TUBGCP4: variants seen among roughly 807,000 people sequenced by gnomAD.
The protein encoded by TUBGCP4 is tubulin gamma complex component 4, also known as gamma-tubulin complex component 4.
A neutral mutation model predicts 91.6 loss-of-function variants in TUBGCP4; 54 were observed. The observed-to-expected ratio is 0.59, with a 90% confidence interval of 0.47 to 0.74. The LOEUF (loss-of-function observed/expected upper bound fraction) is 0.74, where lower values mean the gene tolerates loss of function less well. TUBGCP4 is among the 30% of genes least tolerant of loss of function. TUBGCP4 has a pLI of 0.00. For synonymous variants in TUBGCP4, 297 were observed against 302.8 expected, an observed-to-expected ratio of 0.98 and a Z score of 0.20; for missense variants, 593 against 800.9, an observed-to-expected ratio of 0.74 and a Z score of 3.13.
intron 4 of TUBGCP4, 102 bp from the exon 5 acceptor site, chr15:43,377,745 T>G: frequency 1.0e-6 from 1 of 977,884 alleles, no homozygotes; most frequent in South Asian, 1.5e-5. Context: ...TATTGCCATT[T>G]TATCTTAAGT....
At chr15:43,393,653 G>A (rs978941761) in intron 9 of TUBGCP4, among the ~76,000 whole-genome samples, 5 of 151,864 alleles carry the variant, frequency 3.3e-5, no homozygotes, top group African/African-American at 1.2e-4. Context: ...GTGTCCGTGT[G>A]TTCTCATTGT....
At chr15:43,405,171 CACTT>C (rs1566906447) in intron 17 of TUBGCP4, 27 bp from the exon 18 acceptor site, 25 of 1,613,768 alleles carry the variant, frequency 1.5e-5, no homozygotes, top group Non-Finnish European at 1.9e-5. Flanking sequence ...GAAAGCATGA[CACTT>C]AATAAGGCTC....
In TUBGCP4 at chr15:43,372,847, C is replaced by G. The variant is rs186396867; in HGVS notation, c.78+1415C>G. 2.0e-3 allele frequency among the ~76,000 whole-genome samples: 305 copies of G among 152,332 alleles called. 1 individual carries two copies. Among genetic ancestry groups the G allele is most frequent in the Admixed American group, 5.0e-3 (77 of 15,300 alleles). On this transcript the variant is annotated intron_variant, in intron 1 of 17. Coordinates refer to ENST00000564079, the MANE Select transcript of TUBGCP4 (RefSeq NM_014444.5). ...TTCCCTTGTAGGATTTGTCACAATTCATAATGTATTGTTGTTACCTGTTTT... is the reference window on the plus strand; with the variant it reads ...TTCCCTTGTAGGATTTGTCACAATTGATAATGTATTGTTGTTACCTGTTTT...
rs138999915 is a variant in TUBGCP4 at position 43,409,214 on chromosome 15, T to G, written c.*4000T>G. On this transcript the variant is annotated 3_prime_UTR_variant, in exon 18 of 18. Coordinates refer to ENST00000564079, the MANE Select transcript of TUBGCP4 (RefSeq NM_014444.5). ...AGACTCCCAACTACTACCCAAAATGTGATTTAGTCTATCCTGCCCAAGGCC... is the reference window on the plus strand; with the variant it reads ...AGACTCCCAACTACTACCCAAAATGGGATTTAGTCTATCCTGCCCAAGGCC... 16 of 889,064 alleles carry G rather than the reference T, an allele frequency of 1.8e-5. No individual in the cohort carries two copies. The East Asian group carries it at 4.2e-4, about 23-fold the overall frequency. The allele number at this position is 889,064 out of a possible 1,614,324, so 55.1% of individuals were successfully genotyped here.
At chr15:43,401,969 A>AT in intron 15 of TUBGCP4, 119 bp downstream of exon 15, 1 of 1,362,948 alleles carries the variant, frequency 7.3e-7, no homozygotes, top group Non-Finnish European at 1.0e-6. Context: ...ATTTTAAAAC[A>AT]TTTTTTAAGA....
intron 12 of TUBGCP4, 118 bp from the exon 13 acceptor site, chr15:43,397,923 A>T (rs2044608826): frequency 9.7e-7 from 1 of 1,027,112 alleles, no homozygotes; most frequent in East Asian, 2.6e-5. Flanking sequence ...TATTGCCCAG[A>T]CTGGTCTTGA....
intron 1 of TUBGCP4, among the ~76,000 whole-genome samples, chr15:43,372,189 C>G (rs181826264): frequency 6.6e-6 from 1 of 152,120 alleles, no homozygotes; most frequent in African/African-American, 2.4e-5. Context: ...TTGTTTCTAC[C>G]AGTTAACAAA....
At position 43,405,534 on chromosome 15, in the gene TUBGCP4, G is replaced by C; in HGVS notation, c.*320G>C. The C allele has an allele frequency of 2.9e-6, 1 of 345,414 alleles. No homozygotes were observed. Among genetic ancestry groups the C allele is most frequent in the South Asian group, 6.4e-5 (1 of 15,712 alleles). The allele number at this position is 345,414 out of a possible 1,614,324, so 21.4% of individuals were successfully genotyped here. A position where few individuals can be genotyped will look rare whatever the true frequency, so the allele number is the denominator to read the frequency against. On this transcript the variant is annotated 3_prime_UTR_variant, in exon 18 of 18. Coordinates refer to ENST00000564079, the MANE Select transcript of TUBGCP4 (RefSeq NM_014444.5). ...GTACCTTGGTACTGTTCAAGCTGTG[G>C]GAGATACAGCGGTAAACAAACAATA...
intron 5 of TUBGCP4, 101 bp downstream of exon 5, chr15:43,378,004 G>T: frequency 2.3e-6 from 2 of 882,794 alleles, no homozygotes; most frequent in South Asian, 1.8e-5. Flanking sequence ...GTTTTTAGTA[G>T]TTTTTATTTA....
At chr15:43,399,262 G>A in intron 13 of TUBGCP4, 1 of 660,412 alleles carries the variant, frequency 1.5e-6, no homozygotes, top group Non-Finnish European at 2.0e-6. Context: ...GTTAGCACCT[G>A]AACTTGCAGG....
rs532012984 is a variant in TUBGCP4, at chr15:43,398,313, G to A, written c.1418+134G>A. ...TGTAATCCCAGCTAGTCCAGAGCCTGAGCAGGAGGATCCCTTAAGCCCAGG... is the reference window on the plus strand; with the variant it reads ...TGTAATCCCAGCTAGTCCAGAGCCTAAGCAGGAGGATCCCTTAAGCCCAGG... On this transcript the variant is annotated intron_variant, in intron 13 of 17. Coordinates refer to ENST00000564079, the MANE Select transcript of TUBGCP4 (RefSeq NM_014444.5). The A allele has an allele frequency of 5.6e-5, 53 of 945,528 alleles. No individual in the cohort carries two copies. In the South Asian group the frequency reaches 7.5e-4, roughly 13 times the overall value. The allele number at this position is 945,528 out of a possible 1,614,324, so 58.6% of individuals were successfully genotyped here. A position where few individuals can be genotyped will look rare whatever the true frequency, so the allele number is the denominator to read the frequency against.
At position 43,395,198 on chromosome 15, in the gene TUBGCP4, A is replaced by G. The variant is rs763875256; in HGVS notation, c.1065+41A>G. 3.7e-6 allele frequency: 6 copies of G among 1,607,998 alleles called. No individual in the cohort carries two copies. The South Asian group carries it at 6.6e-5, about 18-fold the overall frequency. ...TTGTAATTCTTACGGTGATGCTGGT[A>G]GGCAGTGACTTGCATTCTCTGATGT... On this transcript the variant is annotated intron_variant, in intron 10 of 17. Transcript: ENST00000564079.
At position 43,397,283 on chromosome 15, in the gene TUBGCP4, T is replaced by G; in HGVS notation, c.1241T>G (p.Leu414Trp). The G allele has an allele frequency of 6.2e-7, 1 of 1,614,202 alleles. No homozygotes were observed. The highest frequency in any genetic ancestry group is 8.5e-7 in the Non-Finnish European group (1 of 1,180,018). The change falls in exon 12 of 18, where the codon TTG becomes TGG. Residue 414 changes from leucine to tryptophan, a missense_variant. Transcript: ENST00000564079. ...LLDDDNLLPLLHLTIEYHGKE... is the reference protein window; with the variant it reads ...LLDDDNLLPLWHLTIEYHGKE... Reference sequence around the variant, plus strand: ...GATGATGACAACCTTCTCCCTCTGTTGCACTTGACAATCGAGTATCACGGA... The same window carrying G: ...GATGATGACAACCTTCTCCCTCTGTGGCACTTGACAATCGAGTATCACGGA...
intron 17 of TUBGCP4, 24 bp downstream of exon 17, chr15:43,404,576 C>T (rs756649441): frequency 6.2e-7 from 1 of 1,610,150 alleles, no homozygotes; most frequent in East Asian, 2.2e-5. Flanking sequence ...TTGGGTAACT[C>T]AGTAGACTTT....
At position 43,407,194 on chromosome 15, in the gene TUBGCP4, AAC is replaced by A; in HGVS notation, c.*1982_*1983del. The A allele has an allele frequency of 1.7e-6, 1 of 580,890 alleles. No individual in the cohort carries two copies. Among genetic ancestry groups the A allele is most frequent in the Non-Finnish European group, 3.0e-6 (1 of 331,050 alleles). 36.0% of individuals were successfully genotyped at this position (580,890 alleles called of 1,614,324 possible). ...TTTGTTCTGAGATTAAGCTCAAAAAAACAGATGAAGAAATCCCAGTTACTACA... is the reference window on the plus strand; with the variant it reads ...TTTGTTCTGAGATTAAGCTCAAAAAAAGATGAAGAAATCCCAGTTACTACA... On this transcript the variant is annotated 3_prime_UTR_variant, in exon 18 of 18. Coordinates refer to ENST00000564079, the MANE Select transcript of TUBGCP4 (RefSeq NM_014444.5).
Position 43,383,324 on chromosome 15 carries a change from G to C in TUBGCP4, c.543G>C (p.Gly181=), listed in dbSNP as rs765125277. The C allele has an allele frequency of 1.2e-6, 2 of 1,613,714 alleles. No individual in the cohort carries two copies. The highest frequency in any genetic ancestry group is 1.7e-6 in the Non-Finnish European group (2 of 1,179,756). Residue 181 remains glycine (G), a synonymous_variant, in exon 7 of 18, where the codon GGG becomes GGC. Transcript: ENST00000564079. ...CCAGAATCCTGGCCGTTTGTCATGG[G>C]GTCATGTATAAACAGCTCTCAGCCT... ...ALEKILAVCH[G]VMYKQLSAWM... is the part of the protein sequence containing the mutation.
rs1212440700 is a variant in TUBGCP4 at position 43,406,900 on chromosome 15, C to CAG, written c.*1695_*1696dup. ...CCACAGGTGAGCTGTGATCTCAGCT[C>CAG]AGAGAGAGAGCATGAGGTCTTTTTT... On this transcript the variant is annotated 3_prime_UTR_variant, in exon 18 of 18. Transcript: ENST00000564079. 1 of 259,090 alleles carries CAG rather than the reference C, an allele frequency of 3.9e-6. No individual in the cohort carries two copies. The highest frequency in any genetic ancestry group is 4.5e-5 in the South Asian group (1 of 22,176). 16.0% of individuals were successfully genotyped at this position (259,090 alleles called of 1,614,324 possible).
At position 43,377,040 on chromosome 15, in the gene TUBGCP4, A is replaced by G. The variant is rs1033314884; in HGVS notation, c.357A>G (p.Ile119Met). The G allele has an allele frequency of 1.8e-5, 29 of 1,613,928 alleles. No individual in the cohort carries two copies. Among genetic ancestry groups the G allele is most frequent in the African/African-American group, 5.3e-5 (4 of 74,924 alleles). The change falls in exon 4 of 18, where the codon ATA becomes ATG. Residue 119 changes from isoleucine to methionine, a missense_variant. Physicochemically the swap from Ile to Met is conservative, Grantham distance 10. Transcript: ENST00000564079. ...TCCTGGGTGATCCCCATCTCTCCAT[A>G]TCACATGTCAACTACTTCCTAGACC... ...QEFLGDPHLS[I>M]SHVNYFLDQF...
At chr15:43,385,340 A>G (rs760419495) in intron 7 of TUBGCP4, 38 of 455,720 alleles carry the variant, frequency 8.3e-5, no homozygotes, top group South Asian at 5.9e-4. Context: ...GTGACCTAAA[A>G]ATTAAAACTA....
Sources: allele counts gnomAD v4.1 joint callset (sites outside exome capture counted in the v4.1 genomes callset), GRCh38; gene constraint gnomAD v4.1.1; transcripts MANE v1.5; gene names NCBI Gene and HGNC (gene_info 2026-07-23, HGNC 2026-07-21).